TXK: variants seen among roughly 807,000 people sequenced by gnomAD.
The protein encoded by TXK is TXK tyrosine kinase, also known as tyrosine-protein kinase TXK.
A neutral mutation model predicts 81.0 loss-of-function variants in TXK; 60 were observed. The ratio of observed to expected loss-of-function variants is 0.74; its 90% CI spans 0.60 to 0.92. The LOEUF is 0.92. Ranked by LOEUF, TXK falls within the 40% of genes least tolerant of loss-of-function variation. The pLI, the probability that TXK is intolerant of heterozygous loss-of-function variation, is 0.00. For synonymous variants in TXK, 203 were observed against 210.7 expected (o/e 0.96, Z 0.32); for missense variants, 581 against 638.3 (o/e 0.91, Z 0.97).
At chr4:48,116,922 G>A (rs749036219) in intron 1 of TXK, among the ~76,000 whole-genome samples, 7 of 152,044 alleles carry the variant, frequency 4.6e-5, no homozygotes, top group East Asian at 3.9e-4. Context: ...TCACTGCGTC[G>A]GCCAGGCTGG....
intron 2 of TXK, among the ~76,000 whole-genome samples, chr4:48,113,546 A>G (rs1283084983): frequency 6.6e-6 from 1 of 152,258 alleles, no homozygotes; most frequent in Non-Finnish European, 1.5e-5. Flanking sequence ...TAAAATTGAG[A>G]AAACATGTCA....
intron 6 of TXK, 43 bp downstream of exon 6, chr4:48,104,858 C>A: frequency 6.7e-7 from 1 of 1,490,906 alleles, no homozygotes; most frequent in South Asian, 1.3e-5. Context: ...TTTATAAGTA[C>A]TTCTCAGAGA....
intron 1 of TXK, among the ~76,000 whole-genome samples, chr4:48,128,487 TG>T (rs1560364610): frequency 6.6e-6 from 1 of 151,910 alleles, no homozygotes; most frequent in East Asian, 1.9e-4. Flanking sequence ...ATATCCTTTT[TG>T]TTTTTTTTTC....
At chr4:48,099,223 G>A (rs1718094889) in intron 6 of TXK, among the ~76,000 whole-genome samples, 1 of 151,952 alleles carries the variant, frequency 6.6e-6, no homozygotes, top group East Asian at 1.9e-4. Flanking sequence ...AGCTTCATAA[G>A]TAAAAACAAG....
intron 5 of TXK, among the ~76,000 whole-genome samples, chr4:48,105,573 G>T (rs1718426666): frequency 6.6e-6 from 1 of 151,918 alleles, no homozygotes; most frequent in Non-Finnish European, 1.5e-5. Flanking sequence ...TGACTTATTG[G>T]ATAAAATGTT....
intron 1 of TXK, among the ~76,000 whole-genome samples, chr4:48,133,177 C>T (rs1206536353): frequency 6.6e-6 from 1 of 151,614 alleles, no homozygotes; most frequent in African/African-American, 2.4e-5. Context: ...AAACACATTG[C>T]AATTCTGATA....
Position 48,134,204 on chromosome 4 carries a change from T to TTCA in TXK, c.-37_-35dup. The TTCA allele has an allele frequency of 6.2e-7, 1 of 1,611,694 alleles. No homozygotes were observed. Among genetic ancestry groups the TTCA allele is most frequent in the Non-Finnish European group, 8.5e-7 (1 of 1,178,954 alleles). Reference sequence around the variant, plus strand: ...CTTCTGCGGGGAGCACACAACAGTCTTCAGTTCTTCTGCGGTGCTCTACTC... The same window carrying TTCA: ...CTTCTGCGGGGAGCACACAACAGTCTTCATCAGTTCTTCTGCGGTGCTCTACTC... On this transcript the variant is annotated 5_prime_UTR_variant, in exon 1 of 15. It adds an upstream start codon to the 5' untranslated region. Coordinates refer to ENST00000264316, the MANE Select transcript of TXK (RefSeq NM_003328.3).
At chr4:48,103,018 GTGGGCTTCAAC>G (rs1354388876) in intron 6 of TXK, among the ~76,000 whole-genome samples, 1 of 152,208 alleles carries the variant, frequency 6.6e-6, no homozygotes, top group African/African-American at 2.4e-5. Context: ...GATGAAGGGG[GTGGGCTTCAAC>G]TGTATCTGTA....
At chr4:48,073,794 G>A in intron 13 of TXK, 141 bp downstream of exon 13, 1 of 605,474 alleles carries the variant, frequency 1.7e-6, no homozygotes. Context: ...GTCGGGATGT[G>A]GTTAGAACAC....
In TXK at chr4:48,097,476, T is replaced by TG. The variant is rs541609811; in HGVS notation, c.502-2255dup. ...ACTCTGTCGCCAGGCTGGAGTGCGGTGGCGCCATCTCGGCTCACTGCAAGC... is the reference window on the plus strand; with the variant it reads ...ACTCTGTCGCCAGGCTGGAGTGCGGTGGGCGCCATCTCGGCTCACTGCAAGC... On this transcript the variant is annotated intron_variant, in intron 6 of 14. Coordinates refer to ENST00000264316, the MANE Select transcript of TXK (RefSeq NM_003328.3). 2.7e-3 allele frequency among the ~76,000 whole-genome samples: 404 copies of TG among 149,042 alleles called. 4 individuals are homozygous for TG. Among genetic ancestry groups the TG allele is most frequent in the African/African-American group, 9.7e-3 (390 of 40,364 alleles).
chr4:48,100,869 T>C (rs1487392043), intron 6 of TXK, among the ~76,000 whole-genome samples: 1 of 152,116 alleles, frequency 6.6e-6, no homozygotes, highest in Non-Finnish European at 1.5e-5. Flanking sequence ...AAGGAGGACA[T>C]GTTTTGTGTA....
Position 48,073,939 on chromosome 4 carries a change from T to C in TXK, c.1353A>G (p.Ser451=), listed in dbSNP as rs1716961997. ...NKYSSKSDVW[S]FGVLMWEVFT... ...GTGAACATCAGATGCACTCACCAAA[T>C]GACCAGACATCAGATTTACTGCTGT... The change falls in exon 13 of 15, where the codon TCA becomes TCG. Residue 451 remains serine (S), a synonymous_variant. Coordinates refer to ENST00000264316, the MANE Select transcript of TXK (RefSeq NM_003328.3). The C allele has an allele frequency of 1.3e-6, 2 of 1,595,882 alleles. No homozygotes were observed. The highest frequency in any genetic ancestry group is 1.7e-6 in the Non-Finnish European group (2 of 1,165,260).
chr4:48,096,557 G>A (rs1532967), intron 6 of TXK, among the ~76,000 whole-genome samples: 53,648 of 151,800 alleles, frequency 0.35, 10,030 homozygotes, highest in East Asian at 0.73. Flanking sequence ...GTCTCGCTTC[G>A]TCACCCAGGC....
chr4:48,093,390 T>C (rs1717853491), intron 8 of TXK, among the ~76,000 whole-genome samples: 1 of 152,220 alleles, frequency 6.6e-6, no homozygotes, highest in Non-Finnish European at 1.5e-5. Flanking sequence ...AATTCTGCAA[T>C]GCTGAGATAA....
At position 48,104,925 on chromosome 4, in the gene TXK, C is replaced by T. The variant is rs1395222489; in HGVS notation, c.477G>A (p.Gln159=). 1 of 1,593,200 alleles carries T rather than the reference C, an allele frequency of 6.3e-7. No homozygotes were observed. Among genetic ancestry groups the T allele is most frequent in the Non-Finnish European group, 8.5e-7 (1 of 1,170,560 alleles). Residue 159 remains glutamine, a synonymous_variant, in exon 6 of 15, where the codon CAG becomes CAA. Transcript: ENST00000264316. Reference sequence around the variant, plus strand: ...CCTCTTGTCTCAATAGATGTTCTGCCTGATTTCTGGTAATGTTTCTATGGT... The same window carrying T: ...CCTCTTGTCTCAATAGATGTTCTGCTTGATTTCTGGTAATGTTTCTATGGT... The part of the protein sequence containing the change: ...EWYHRNITRN[Q]AEHLLRQESK...
chr4:48,118,037 C>T (rs1054144815), intron 1 of TXK, among the ~76,000 whole-genome samples: 3 of 152,214 alleles, frequency 2.0e-5, no homozygotes, highest in Admixed American at 6.5e-5. Context: ...ACATCCCTTT[C>T]CCCAAGATCT....
intron 8 of TXK, among the ~76,000 whole-genome samples, chr4:48,093,122 A>G (rs1717841391): frequency 6.6e-6 from 1 of 152,174 alleles, no homozygotes; most frequent in Admixed American, 6.5e-5. Context: ...TCTAGCTACA[A>G]CTAAGACCTT....
At chr4:48,094,053 C>A in intron 8 of TXK, 24 bp downstream of exon 8, 1 of 1,612,884 alleles carries the variant, frequency 6.2e-7, no homozygotes. Flanking sequence ...CCCTGACTCA[C>A]CCAGCTGGAA....
chr4:48,102,517 A>AGTT (rs1353298200), intron 6 of TXK, among the ~76,000 whole-genome samples: 1 of 152,238 alleles, frequency 6.6e-6, no homozygotes, highest in African/African-American at 2.4e-5. Context: ...GTTGGAAACC[A>AGTT]GTTTATCTCA....
Sources: allele counts gnomAD v4.1 joint callset (sites outside exome capture counted in the v4.1 genomes callset), GRCh38; gene constraint gnomAD v4.1.1; transcripts MANE v1.5; gene names NCBI Gene and HGNC (gene_info 2026-07-23, HGNC 2026-07-21).